SLC18A1: variants seen among roughly 807,000 people sequenced by gnomAD.
SLC18A1 encodes the protein solute carrier family 18 member A1, also known as chromaffin granule amine transporter.
Under a neutral mutation model 53.7 loss-of-function variants are expected in SLC18A1, and 69 were observed. The observed-to-expected ratio is 1.28, with a 90% confidence interval of 1.06 to 1.57. SLC18A1 has a LOEUF of 1.57. Ranked by LOEUF, SLC18A1 falls within the 40% of genes most tolerant of loss-of-function variation. SLC18A1 has a pLI of 0.00. For synonymous variants in SLC18A1, 320 were observed against 248.1 expected, an observed-to-expected ratio of 1.29 and a Z score of -2.72; for missense variants, 932 against 668.1, an observed-to-expected ratio of 1.40 and a Z score of -4.35.
At chr8:20,152,575 G>A (rs1286779835) in intron 10 of SLC18A1, among the ~76,000 whole-genome samples, 1 of 152,154 alleles carries the variant, frequency 6.6e-6, no homozygotes, top group African/African-American at 2.4e-5. Context: ...TGGGTAGCTG[G>A]AGATAGGGAA....
intron 10 of SLC18A1, among the ~76,000 whole-genome samples, chr8:20,160,898 G>T (rs1227827213): frequency 2.6e-5 from 4 of 152,006 alleles, no homozygotes; most frequent in Non-Finnish European, 5.9e-5. Context: ...AAAAGAAAAA[G>T]GGGCCAAACT....
intron 12 of SLC18A1, chr8:20,148,499 A>G: frequency 7.8e-7 from 1 of 1,286,408 alleles, no homozygotes; most frequent in South Asian, 1.2e-5. Flanking sequence ...GGTTTCATTT[A>G]GACTTCTAAC....
At chr8:20,153,985 G>A (rs903784979) in intron 10 of SLC18A1, among the ~76,000 whole-genome samples, 3 of 152,138 alleles carry the variant, frequency 2.0e-5, no homozygotes. Flanking sequence ...TGAATGGCGT[G>A]GTGCTGTCCC....
At chr8:20,148,788 T>C (rs558993025) in intron 12 of SLC18A1, among the ~76,000 whole-genome samples, 1 of 152,324 alleles carries the variant, frequency 6.6e-6, no homozygotes, top group East Asian at 1.9e-4. Context: ...ATAACAATTT[T>C]TAGGGTTCAT....
rs2072353630 is a variant in SLC18A1, at chr8:20,179,353, TGAA to T, written c.253_255del (p.Phe85del). ...TCTTCAACAGCCACGGTGTTGTTGT[TGAA>T]GAAGGAGAAGATGGTGGAAAAGGCA... is the stretch of plus-strand genomic sequence containing the variant. On this transcript the variant is annotated inframe_deletion, in exon 3 of 16. Coordinates refer to ENST00000276373, the MANE Select transcript of SLC18A1 (RefSeq NM_003053.4). The T allele has an allele frequency of 6.2e-7, 1 of 1,614,184 alleles. No individual in the cohort carries two copies. Among genetic ancestry groups the T allele is most frequent in the Non-Finnish European group, 8.5e-7 (1 of 1,180,036 alleles).
Position 20,149,678 on chromosome 8 carries a change from A to G in SLC18A1, c.1144T>C (p.Cys382Arg). 5.0e-6 allele frequency: 8 copies of G among 1,612,978 alleles called. No homozygotes were observed. The highest frequency in any genetic ancestry group is 6.8e-6 in the Non-Finnish European group (8 of 1,179,682). ...CCCCCAGGTCTTCTTATACTTACAC[A>G]GAGCAAGCTGGTACCTACTACCAGC... ...GMLVVGTSLLCVPLAHNIFGL... is the reference protein window; with the variant it reads ...GMLVVGTSLLRVPLAHNIFGL... The change falls in exon 12 of 16, where the codon TGT becomes CGT. Residue 382 changes from cysteine (C) to arginine (R), a missense_variant and splice_region_variant. Transcript: ENST00000276373.
At chr8:20,157,049 C>T (rs540388652) in intron 10 of SLC18A1, among the ~76,000 whole-genome samples, 16 of 152,244 alleles carry the variant, frequency 1.1e-4, no homozygotes, top group African/African-American at 2.6e-4. Flanking sequence ...ACTGCTACAT[C>T]GGTGAGCGTA....
intron 4 of SLC18A1, chr8:20,175,452 C>A (rs967167970): frequency 2.7e-4 from 41 of 152,120 alleles, no homozygotes; most frequent in African/African-American, 9.7e-4. Context: ...ATGAAATCTT[C>A]ACAATTTTAT....
In SLC18A1 at chr8:20,145,562, G is replaced by T; in HGVS notation, c.*201C>A. 2.4e-6 allele frequency: 1 copy of T among 412,370 alleles called. No homozygotes were observed. Among genetic ancestry groups the T allele is most frequent in the Non-Finnish European group, 4.3e-6 (1 of 231,852 alleles). 25.5% of individuals were successfully genotyped at this position (412,370 alleles called of 1,614,324 possible). A position where few individuals can be genotyped will look rare whatever the true frequency, so the allele number is the denominator to read the frequency against. ...CTTCCCATAAAAGATGGGCCACTGC[G>T]GCACCAAGGCATAGAGGAAGAGCTA... On this transcript the variant is annotated 3_prime_UTR_variant, in exon 16 of 16. Coordinates refer to ENST00000276373, the MANE Select transcript of SLC18A1 (RefSeq NM_003053.4).
chr8:20,173,380 C>A (rs1269280549), intron 5 of SLC18A1, among the ~76,000 whole-genome samples: 1 of 152,152 alleles, frequency 6.6e-6, no homozygotes, highest in East Asian at 1.9e-4. Context: ...CACAGAAAAT[C>A]CATTGTCTGA....
intron 4 of SLC18A1, among the ~76,000 whole-genome samples, 179 bp downstream of exon 4, chr8:20,178,256 A>C (rs2072301618): frequency 6.6e-6 from 1 of 152,192 alleles, no homozygotes; most frequent in Non-Finnish European, 1.5e-5. Flanking sequence ...AACTAGACTG[A>C]ATTGTCACTA....
intron 10 of SLC18A1, among the ~76,000 whole-genome samples, chr8:20,153,019 C>A (rs1157849300): frequency 6.6e-6 from 1 of 152,094 alleles, no homozygotes; most frequent in Non-Finnish European, 1.5e-5. Context: ...GAGTAGGAGG[C>A]AAAGTCAACC....
chr8:20,170,663 G>A (rs976766503), intron 8 of SLC18A1, among the ~76,000 whole-genome samples: 1 of 152,072 alleles, frequency 6.6e-6, no homozygotes, highest in South Asian at 2.1e-4. Flanking sequence ...TGTTGTCTAG[G>A]TGGCCCCCAC....
intron 10 of SLC18A1, among the ~76,000 whole-genome samples, chr8:20,160,275 C>T (rs907633597): frequency 6.8e-6 from 1 of 147,774 alleles, no homozygotes; most frequent in East Asian, 2.0e-4. Flanking sequence ...AAGTAAGCAC[C>T]TCTAGGAAGC....
intron 2 of SLC18A1, 133 bp from the exon 3 acceptor site, chr8:20,179,617 T>C (rs2128880687): frequency 3.3e-6 from 4 of 1,221,554 alleles, no homozygotes; most frequent in Non-Finnish European, 3.4e-6. Flanking sequence ...TAAGGACAGA[T>C]GTCATCTTAC....
intron 8 of SLC18A1, among the ~76,000 whole-genome samples, chr8:20,168,578 T>G (rs1216097999): frequency 6.6e-6 from 1 of 151,750 alleles, no homozygotes; most frequent in South Asian, 2.1e-4. Context: ...TGCTTTTTTG[T>G]TTTTTAGAGT....
At chr8:20,152,841 CGAGAA>C (rs1450809965) in intron 10 of SLC18A1, among the ~76,000 whole-genome samples, 1 of 151,980 alleles carries the variant, frequency 6.6e-6, no homozygotes, top group African/African-American at 2.4e-5. Flanking sequence ...GAGATGGAAT[CGAGAA>C]GAGGAGTCTG....
chr8:20,178,333 T>A, intron 4 of SLC18A1, 102 bp downstream of exon 4: 1 of 876,136 alleles, frequency 1.1e-6, no homozygotes, highest in East Asian at 2.5e-5. Context: ...CTTAGTCAGA[T>A]GCCTAATTAC....
At chr8:20,177,135 G>C (rs773634723) in intron 4 of SLC18A1, among the ~76,000 whole-genome samples, 1 of 152,158 alleles carries the variant, frequency 6.6e-6, no homozygotes, top group African/African-American at 2.4e-5. Context: ...GTCTAACTTA[G>C]GCTGAACTGC....
Sources: gnomAD v4.1 joint callset for allele counts (sites outside exome capture counted in the v4.1 genomes callset) on GRCh38, gnomAD v4.1.1 for gene constraint, MANE v1.5 for transcripts, NCBI Gene and HGNC (gene_info 2026-07-23, HGNC 2026-07-21) for gene names.